Variants in MAPK10 observed in about 807,000 individuals in gnomAD.
MAPK10 encodes the protein mitogen-activated protein kinase 10.
In MAPK10, 25 loss-of-function variants were observed where a neutral mutation model predicts 59.3. The observed-to-expected ratio is 0.42, with a 90% CI of 0.31 to 0.59. The LOEUF (loss-of-function observed/expected upper bound fraction) is 0.59, where lower values mean the gene tolerates loss of function less well. MAPK10 is among the 20% of genes least tolerant of loss of function. MAPK10 has a pLI of 0.15. For synonymous variants in MAPK10, 190 were observed against 200.5 expected, an observed-to-expected ratio of 0.95 and a Z score of 0.44; for missense variants, 351 against 568.9, an observed-to-expected ratio of 0.62 and a Z score of 3.90.
intron 2 of MAPK10, among the ~76,000 whole-genome samples, chr4:86,219,118 C>T (rs1387461789): frequency 6.6e-6 from 1 of 152,212 alleles, no homozygotes; most frequent in Non-Finnish European, 1.5e-5. Context: ...TAAACCCTTT[C>T]TCTTTGTCTC....
At chr4:86,356,497 A>G in intron 1 of MAPK10, 1 of 921,418 alleles carries the variant, frequency 1.1e-6, no homozygotes, top group Non-Finnish European at 1.3e-6. Context: ...ACCAAGATTC[A>G]CAATAAGAAA....
intron 1 of MAPK10, among the ~76,000 whole-genome samples, chr4:86,584,646 C>T (rs1762539992): frequency 6.6e-6 from 1 of 152,082 alleles, no homozygotes; most frequent in African/African-American, 2.4e-5. Flanking sequence ...GGTCTACAGG[C>T]TGTTGCCCAG....
intron 11 of MAPK10, chr4:86,032,543 CA>C (rs1230836276): frequency 6.6e-6 from 1 of 152,132 alleles, no homozygotes; most frequent in Non-Finnish European, 1.5e-5. Flanking sequence ...CCCTTTAGGA[CA>C]CAGACCTTTC....
chr4:86,194,458 T>C, intron 2 of MAPK10, 51 bp from the exon 3 acceptor site: 1 of 1,010,460 alleles, frequency 9.9e-7, no homozygotes, highest in Non-Finnish European at 1.6e-6. Flanking sequence ...AGTTTTTCAT[T>C]ATATAACAAT....
At chr4:86,314,385 C>T (rs1330670915) in intron 2 of MAPK10, among the ~76,000 whole-genome samples, 1 of 152,152 alleles carries the variant, frequency 6.6e-6, no homozygotes, top group Non-Finnish European at 1.5e-5. Context: ...TTCCCCCATA[C>T]TGTTCTCATG....
intron 1 of MAPK10, among the ~76,000 whole-genome samples, chr4:86,458,983 G>A (rs889565223): frequency 6.6e-6 from 1 of 152,150 alleles, no homozygotes; most frequent in African/African-American, 2.4e-5. Flanking sequence ...ACAACCCACA[G>A]AATGGGAGAA....
intron 1 of MAPK10, among the ~76,000 whole-genome samples, chr4:86,483,615 A>T (rs1470192995): frequency 6.6e-6 from 1 of 152,074 alleles, no homozygotes; most frequent in Non-Finnish European, 1.5e-5. Flanking sequence ...AAAACATTGG[A>T]CAATATTTAT....
At chr4:86,273,929 G>A (rs548952861) in intron 2 of MAPK10, among the ~76,000 whole-genome samples, 4 of 151,906 alleles carry the variant, frequency 2.6e-5, no homozygotes, top group Non-Finnish European at 4.4e-5. Context: ...TTATCAAAAT[G>A]TGATATTCTT....
chr4:86,218,603 A>T (rs1406655917), intron 2 of MAPK10, among the ~76,000 whole-genome samples: 3 of 150,818 alleles, frequency 2.0e-5, no homozygotes, highest in African/African-American at 7.3e-5. Flanking sequence ...TGGGCAATTA[A>T]TTTAAAAGGC....
intron 12 of MAPK10, 61 bp from the exon 13 acceptor site, chr4:86,029,335 CATT>C: frequency 1.9e-6 from 2 of 1,029,860 alleles, no homozygotes; most frequent in Non-Finnish European, 3.0e-6. Context: ...CAGGGAAATT[CATT>C]ACTTAATGCC....
intron 4 of MAPK10, among the ~76,000 whole-genome samples, chr4:86,109,320 T>C (rs965442564): frequency 6.6e-6 from 1 of 152,186 alleles, no homozygotes; most frequent in African/African-American, 2.4e-5. Flanking sequence ...GCTGCATCTA[T>C]CAACCCATCA....
intron 1 of MAPK10, among the ~76,000 whole-genome samples, chr4:86,413,455 G>T (rs989982707): frequency 1.3e-5 from 2 of 152,206 alleles, no homozygotes; most frequent in African/African-American, 4.8e-5. Context: ...GTCAGACAGG[G>T]ACATTTAAGT....
chr4:86,179,492 A>G (rs2076427979), intron 3 of MAPK10, among the ~76,000 whole-genome samples: 1 of 152,104 alleles, frequency 6.6e-6, no homozygotes, highest in African/African-American at 2.4e-5. Flanking sequence ...TTCCCAGGAA[A>G]AAAAATCCAA....
intron 2 of MAPK10, among the ~76,000 whole-genome samples, chr4:86,335,768 C>T (rs532165558): frequency 9.9e-5 from 15 of 152,200 alleles, no homozygotes; most frequent in South Asian, 8.3e-4. Flanking sequence ...TTTCACATGG[C>T]GGCAAGAGAG....
chr4:86,562,540 A>G (rs1760754778), intron 1 of MAPK10, among the ~76,000 whole-genome samples: 1 of 151,892 alleles, frequency 6.6e-6, no homozygotes, highest in Non-Finnish European at 1.5e-5. Context: ...AAATAAATTA[A>G]TTAATTTAGC....
intron 2 of MAPK10, among the ~76,000 whole-genome samples, chr4:86,265,389 A>C (rs1234191868): frequency 6.6e-6 from 1 of 151,792 alleles, no homozygotes; most frequent in East Asian, 2.0e-4. Context: ...GGCACCTGCA[A>C]TCCCAGCTAC....
intron 4 of MAPK10, among the ~76,000 whole-genome samples, chr4:86,130,823 G>A (rs9684602): frequency 1.3e-5 from 2 of 152,122 alleles, no homozygotes; most frequent in Admixed American, 1.3e-4. Flanking sequence ...AGGGCAGTAG[G>A]AATGTAAATG....
intron 1 of MAPK10, among the ~76,000 whole-genome samples, chr4:86,586,795 T>G (rs896236107): frequency 3.3e-5 from 5 of 152,066 alleles, no homozygotes; most frequent in African/African-American, 1.2e-4. Context: ...TTGGGGCCAG[T>G]AGGGGAAAAC....
At chr4:86,295,220 C>A (rs374918715) in intron 2 of MAPK10, among the ~76,000 whole-genome samples, 95 of 152,298 alleles carry the variant, frequency 6.2e-4, no homozygotes, top group African/African-American at 2.1e-3. Context: ...TGTTGTTTAA[C>A]CCCCTCGGGC....
Sources: allele counts gnomAD v4.1 joint callset (sites outside exome capture counted in the v4.1 genomes callset), GRCh38; gene constraint gnomAD v4.1.1; transcripts MANE v1.5; gene names NCBI Gene and HGNC (gene_info 2026-07-23, HGNC 2026-07-21).